Variants in GPR83 observed in about 807,000 individuals in gnomAD.
GPR83 encodes the protein G-protein coupled receptor 72.
Under a neutral mutation model 28.0 loss-of-function variants are expected in GPR83, and 23 were observed. That is an observed-to-expected ratio of 0.82 (90% CI 0.59 to 1.16). The LOEUF (loss-of-function observed/expected upper bound fraction) is 1.16. GPR83 is among the 50% of genes most tolerant of loss of function. The pLI, the probability that GPR83 is intolerant of heterozygous loss-of-function variation, is 0.00. For missense variants in GPR83, 610 were observed against 536.6 expected (o/e 1.14, Z -1.35); for synonymous variants, 234 against 215.4 (o/e 1.09, Z -0.76).
Position 94,380,386 on chromosome 11 carries a change from G to A in GPR83, c.1035C>T (p.Tyr345=), listed in dbSNP as rs1944673561. ...TCCTGAAGTTCTCGTTCAGCCAGCA[G>A]TATATGAAGGGGTTATAGCAGGTGC... The part of the protein sequence containing the change: ...MSSTCYNPFI[Y]CWLNENFRIE... The change falls in exon 4 of 4, where the codon TAC becomes TAT. Residue 345 remains tyrosine (Y), a synonymous_variant. Transcript: ENST00000243673. 6.2e-7 allele frequency: 1 copy of A among 1,614,182 alleles called. No individual in the cohort carries two copies. The highest frequency in any genetic ancestry group is 1.1e-5 in the South Asian group (1 of 91,080).
At chr11:94,385,651 A>G (rs1444259258) in intron 3 of GPR83, among the ~76,000 whole-genome samples, 2 of 152,242 alleles carry the variant, frequency 1.3e-5, no homozygotes, top group African/African-American at 4.8e-5. Flanking sequence ...TTAGAGAAAA[A>G]TGAATAAAAA....
chr11:94,401,330 G>A lies in GPR83; in HGVS notation c.-83C>T. 1 of 1,382,174 alleles carries A rather than the reference G, an allele frequency of 7.2e-7. No individual in the cohort carries two copies. Among genetic ancestry groups the A allele is most frequent in the Non-Finnish European group, 9.6e-7 (1 of 1,039,990 alleles). 85.6% of individuals were successfully genotyped at this position (1,382,174 alleles called of 1,614,324 possible). A position where few individuals can be genotyped will look rare whatever the true frequency, so the allele number is the denominator to read the frequency against. On this transcript the variant is annotated 5_prime_UTR_variant, in exon 1 of 4. Transcript: ENST00000243673. ...GATCGGAGCGCGCAGCCGGGGTGCG[G>A]GGCGCACAGCATACAAGGCCGTCCC...
chr11:94,385,426 C>A lies in GPR83; in HGVS notation c.648-4653G>T, dbSNP rs146113245. ...AGCTAAAGGAGGAAGTTCGAACCCACGGCAAAGAAGTTAAAAACCTTGAAA... is the reference window on the plus strand; with the variant it reads ...AGCTAAAGGAGGAAGTTCGAACCCAAGGCAAAGAAGTTAAAAACCTTGAAA... On this transcript the variant is annotated intron_variant, in intron 3 of 3. Transcript: ENST00000243673. Among the ~76,000 whole-genome samples the A allele has an allele frequency of 5.9e-5, 9 of 152,158 alleles. No individual in the cohort carries two copies. In the East Asian group the frequency reaches 1.5e-3, roughly 26 times the overall value.
In GPR83 at chr11:94,389,201, G is replaced by C. The variant is rs547068739; in HGVS notation, c.647+4284C>G. 4.7e-4 allele frequency among the ~76,000 whole-genome samples: 71 copies of C among 152,234 alleles called. 1 individual carries two copies. In the East Asian group the frequency reaches 7.9e-3, roughly 17 times the overall value. On this transcript the variant is annotated intron_variant, in intron 3 of 3. Transcript: ENST00000243673. ...AGATGGATTAAAGACTTAAATGTTA[G>C]ACCTAAAACCATAAAAACCCTAGAA...
At position 94,379,262 on chromosome 11, in the gene GPR83, T is replaced by C. The variant is rs940682865; in HGVS notation, c.*887A>G. On this transcript the variant is annotated 3_prime_UTR_variant, in exon 4 of 4. Coordinates refer to ENST00000243673, the MANE Select transcript of GPR83 (RefSeq NM_016540.4). ...GGCGGGCACCTGTAGTCCCAGCTACTAGGGAGGCTGAGGCAGGAGAACGGC... is the reference window on the plus strand; with the variant it reads ...GGCGGGCACCTGTAGTCCCAGCTACCAGGGAGGCTGAGGCAGGAGAACGGC... 2.5e-4 allele frequency: 37 copies of C among 148,400 alleles called. No homozygotes were observed. The highest frequency in any genetic ancestry group is 8.5e-4 in the African/African-American group (34 of 39,928). The allele number at this position is 148,400 out of a possible 1,614,324, so 9.2% of individuals were successfully genotyped here.
chr11:94,397,798 T>C (rs1944879779), intron 1 of GPR83, among the ~76,000 whole-genome samples: 1 of 152,158 alleles, frequency 6.6e-6, no homozygotes, highest in Admixed American at 6.5e-5. Flanking sequence ...TGGCACTGGA[T>C]CAGAAATCCC....
rs1944636891 is a variant in GPR83, at chr11:94,377,779, G to A, written c.*2370C>T. 2 of 152,136 alleles carry A rather than the reference G, an allele frequency of 1.3e-5. No homozygotes were observed. The highest frequency in any genetic ancestry group is 2.1e-4 in the South Asian group (1 of 4,822). The allele number at this position is 152,136 out of a possible 1,614,324, so 9.4% of individuals were successfully genotyped here. A position where few individuals can be genotyped will look rare whatever the true frequency, so the allele number is the denominator to read the frequency against. On this transcript the variant is annotated 3_prime_UTR_variant, in exon 4 of 4. Coordinates refer to ENST00000243673, the MANE Select transcript of GPR83 (RefSeq NM_016540.4). ...AGTGTTCTCAGAGCATTTAAGGTAGGCTTGGCTAAGCTACGATGTTCAGTA... is the reference window on the plus strand; with the variant it reads ...AGTGTTCTCAGAGCATTTAAGGTAGACTTGGCTAAGCTACGATGTTCAGTA...
In GPR83 at chr11:94,383,123, C is replaced by G. The variant is rs533802129; in HGVS notation, c.648-2350G>C. 1.1e-4 allele frequency among the ~76,000 whole-genome samples: 16 copies of G among 151,394 alleles called. No homozygotes were observed. The East Asian group carries it at 2.9e-3, about 28-fold the overall frequency. ...CTGAGATCATGCCACTGCACTCCAG[C>G]CTGGGCGACAGAGTGAGACTCCGTC... On this transcript the variant is annotated intron_variant, in intron 3 of 3. Coordinates refer to ENST00000243673, the MANE Select transcript of GPR83 (RefSeq NM_016540.4).
At chr11:94,397,653 T>TCA (rs1386020643) in intron 1 of GPR83, among the ~76,000 whole-genome samples, 15 of 152,358 alleles carry the variant, frequency 9.8e-5, no homozygotes, top group African/African-American at 3.1e-4. Context: ...TCAAGATTGT[T>TCA]AACACATGTA....
chr11:94,378,785 G>C lies in GPR83; in HGVS notation c.*1364C>G, dbSNP rs1343130201. On this transcript the variant is annotated 3_prime_UTR_variant, in exon 4 of 4. Coordinates refer to ENST00000243673, the MANE Select transcript of GPR83 (RefSeq NM_016540.4). ...TGGAAAGCCTGCTCCCTCATCTCTT[G>C]TGAAAACAGAACAATGTTTCACCAC... is the stretch of plus-strand genomic sequence containing the variant. 4 of 152,554 alleles carry C rather than the reference G, an allele frequency of 2.6e-5. No individual in the cohort carries two copies. Among genetic ancestry groups the C allele is most frequent in the African/African-American group, 7.2e-5 (3 of 41,442 alleles). 9.5% of individuals were successfully genotyped at this position (152,554 alleles called of 1,614,324 possible).
intron 3 of GPR83, among the ~76,000 whole-genome samples, chr11:94,381,143 CA>C (rs1944682637): frequency 6.6e-6 from 1 of 152,186 alleles, no homozygotes; most frequent in Admixed American, 6.5e-5. Context: ...GCTACTTCCC[CA>C]TTTTAAAGGG....
intron 3 of GPR83, among the ~76,000 whole-genome samples, chr11:94,386,601 G>C (rs921538755): frequency 1.3e-5 from 2 of 152,192 alleles, no homozygotes; most frequent in Admixed American, 1.3e-4. Flanking sequence ...TAATGGTAAA[G>C]GGATCAATTC....
At position 94,380,681 on chromosome 11, in the gene GPR83, A is replaced by G; in HGVS notation, c.740T>C (p.Leu247Pro). ...KYLDLATFIL[L>P]YILPLLIISV... is the part of the protein sequence containing the mutation. ...GATGATGAGGAGGGGCAGGATGTAG[A>G]GCAGGATGAAGGTGGCCAAGTCCAG... The change falls in exon 4 of 4, where the codon CTC becomes CCC. Residue 247 changes from leucine to proline, a missense_variant. Transcript: ENST00000243673. 1 of 1,613,736 alleles carries G rather than the reference A, an allele frequency of 6.2e-7. No homozygotes were observed. The highest frequency in any genetic ancestry group is 8.5e-7 in the Non-Finnish European group (1 of 1,180,006).
chr11:94,381,651 A>C (rs1316484821), intron 3 of GPR83, among the ~76,000 whole-genome samples: 1 of 151,628 alleles, frequency 6.6e-6, no homozygotes, highest in Non-Finnish European at 1.5e-5. Context: ...AGTCTGGAGA[A>C]CCAACCCCCC....
At chr11:94,384,974 G>A (rs762510846) in intron 3 of GPR83, among the ~76,000 whole-genome samples, 1 of 152,158 alleles carries the variant, frequency 6.6e-6, no homozygotes. Context: ...CATCTCACAT[G>A]GCCAGGTACT....
At chr11:94,399,026 G>A (rs866280934) in intron 1 of GPR83, among the ~76,000 whole-genome samples, 1 of 152,108 alleles carries the variant, frequency 6.6e-6, no homozygotes, top group Non-Finnish European at 1.5e-5. Flanking sequence ...CTGTCCTCGC[G>A]TCCATGGCCT....
Position 94,401,139 on chromosome 11 carries a change from T to C in GPR83, c.109A>G (p.Asn37Asp), listed in dbSNP as rs1362251942. Residue 37 changes from asparagine to aspartate, a missense_variant, in exon 1 of 4, where the codon AAT becomes GAT. Transcript: ENST00000243673. ...TTCCAAGAGAAGAAGTGCGAGGCAT[T>C]GGGCACGGCCAGGGCCGCCTCCGCG... Reference protein sequence around the residue: ...QSAEAALAVPNASHFFSWNNY... With the variant: ...QSAEAALAVPDASHFFSWNNY... 7 of 1,614,054 alleles carry C rather than the reference T, an allele frequency of 4.3e-6. No individual in the cohort carries two copies. The highest frequency in any genetic ancestry group is 5.9e-6 in the Non-Finnish European group (7 of 1,180,016).
rs770102582 is a variant in GPR83 at position 94,380,251 on chromosome 11, A to T, written c.1170T>A (p.Asp390Glu). Residue 390 changes from aspartate to glutamate, a missense_variant, in exon 4 of 4, where the codon GAT becomes GAA. Physicochemically the swap from Asp to Glu is conservative, Grantham distance 45. Coordinates refer to ENST00000243673, the MANE Select transcript of GPR83 (RefSeq NM_016540.4). ...TATTGGCAAGGGGAGCCCTCTGGCC[A>T]TCATTCTTCTCTGTCCAGGCCACCC... ...SFRVAWTEKN[D>E]GQRAPLANNL... 4.6e-6 allele frequency: 7 copies of T among 1,536,402 alleles called. No individual in the cohort carries two copies. The highest frequency in any genetic ancestry group is 6.1e-6 in the Non-Finnish European group (7 of 1,143,632).
chr11:94,393,719 G>A, intron 2 of GPR83, 101 bp from the exon 3 acceptor site: 1 of 1,042,574 alleles, frequency 9.6e-7, no homozygotes. Flanking sequence ...CCAGCACTTT[G>A]GGAGTCTGAG....
Sources: gnomAD v4.1 joint callset for allele counts (sites outside exome capture counted in the v4.1 genomes callset) on GRCh38, gnomAD v4.1.1 for gene constraint, MANE v1.5 for transcripts, NCBI Gene and HGNC (gene_info 2026-07-23, HGNC 2026-07-21) for gene names.